The following CNTN4 variants were observed in gnomAD, a reference collection of about 807,000 sequenced individuals.
CNTN4 encodes contactin 4.
A neutral mutation model predicts 122.5 loss-of-function variants in CNTN4; 77 were observed. That is an observed-to-expected ratio of 0.63 (90% CI 0.52 to 0.76). The LOEUF is 0.76. CNTN4 is among the 30% of genes least tolerant of loss of function. The pLI is 0.00. For missense variants in CNTN4, 1,256 were observed against 1,259.1 expected, an observed-to-expected ratio of 1.00 and a Z score of 0.04; for synonymous variants, 512 against 447.0, an observed-to-expected ratio of 1.15 and a Z score of -1.83.
At chr3:2,334,298 C>T (rs1172427802) in intron 2 of CNTN4, among the ~76,000 whole-genome samples, 1 of 152,104 alleles carries the variant, frequency 6.6e-6, no homozygotes, top group East Asian at 1.9e-4. Flanking sequence ...GCTGGGATTG[C>T]AGGTGTGCGC....
At chr3:2,823,358 A>T (rs1041845275) in intron 7 of CNTN4, among the ~76,000 whole-genome samples, 12 of 152,186 alleles carry the variant, frequency 7.9e-5, no homozygotes, top group African/African-American at 2.9e-4. Flanking sequence ...GCGGTGTCAG[A>T]CCTTCTTAGG....
At chr3:2,215,609 G>A (rs2038801098) in intron 2 of CNTN4, among the ~76,000 whole-genome samples, 1 of 152,028 alleles carries the variant, frequency 6.6e-6, no homozygotes. Context: ...TAGGCTGGGC[G>A]CAGTGGTTCA....
chr3:2,132,141 A>G (rs2034480034), intron 2 of CNTN4, among the ~76,000 whole-genome samples: 1 of 152,190 alleles, frequency 6.6e-6, no homozygotes, highest in Admixed American at 6.5e-5. Context: ...TCTGATCATT[A>G]TGCTGTGAGG....
At chr3:2,470,353 G>A (rs768164874) in intron 3 of CNTN4, among the ~76,000 whole-genome samples, 7 of 152,156 alleles carry the variant, frequency 4.6e-5, no homozygotes, top group African/African-American at 1.4e-4. Context: ...GGGATTACGG[G>A]TGTGAGCCAC....
chr3:2,803,490 G>T (rs755693681), intron 6 of CNTN4, among the ~76,000 whole-genome samples: 1 of 151,824 alleles, frequency 6.6e-6, no homozygotes, highest in African/African-American at 2.4e-5. Flanking sequence ...ATAATAGCAA[G>T]TAAGTGGGAA....
At chr3:2,904,089 TATAAA>T (rs1460776007) in intron 12 of CNTN4, among the ~76,000 whole-genome samples, 4 of 152,136 alleles carry the variant, frequency 2.6e-5, no homozygotes, top group Non-Finnish European at 4.4e-5. Context: ...TGTCTATTAT[TATAAA>T]AGAAGAGATG....
intron 2 of CNTN4, among the ~76,000 whole-genome samples, chr3:2,184,914 A>G (rs1300962221): frequency 1.3e-5 from 2 of 152,194 alleles, no homozygotes; most frequent in African/African-American, 4.8e-5. Context: ...CCTTCTGCAA[A>G]AATTCAGGTC....
chr3:2,873,498 A>G (rs912272639), intron 8 of CNTN4, among the ~76,000 whole-genome samples: 4 of 152,218 alleles, frequency 2.6e-5, no homozygotes, highest in Non-Finnish European at 4.4e-5. Flanking sequence ...ATTCCCCACA[A>G]ACTTCTAAAT....
At chr3:2,627,392 G>A (rs1440669843) in intron 4 of CNTN4, among the ~76,000 whole-genome samples, 1 of 151,670 alleles carries the variant, frequency 6.6e-6, no homozygotes, top group Non-Finnish European at 1.5e-5. Flanking sequence ...TAGACAAGTT[G>A]ACTCTTTTTT....
At chr3:2,828,201 A>G (rs1342627646) in intron 7 of CNTN4, among the ~76,000 whole-genome samples, 1 of 152,264 alleles carries the variant, frequency 6.6e-6, no homozygotes, top group South Asian at 2.1e-4. Flanking sequence ...AAACACACAT[A>G]ACAAATGATA....
chr3:2,831,543 A>C (rs958866176), intron 7 of CNTN4, among the ~76,000 whole-genome samples: 1 of 152,248 alleles, frequency 6.6e-6, no homozygotes, highest in Non-Finnish European at 1.5e-5. Flanking sequence ...GCCACTTTGT[A>C]CCGAGCCAAG....
chr3:2,457,316 A>G (rs770138098), intron 3 of CNTN4, among the ~76,000 whole-genome samples: 4 of 152,162 alleles, frequency 2.6e-5, no homozygotes, highest in Non-Finnish European at 4.4e-5. Flanking sequence ...TTTGAAAGGC[A>G]CTTTGATGTT....
intron 13 of CNTN4, among the ~76,000 whole-genome samples, chr3:2,926,482 C>T (rs2094474629): frequency 2.0e-5 from 3 of 152,136 alleles, no homozygotes; most frequent in Non-Finnish European, 2.9e-5. Flanking sequence ...GGCTGTCACC[C>T]CTGTAAAATA....
intron 2 of CNTN4, among the ~76,000 whole-genome samples, chr3:2,210,476 C>A (rs1236407593): frequency 6.6e-6 from 1 of 152,008 alleles, no homozygotes; most frequent in African/African-American, 2.4e-5. Flanking sequence ...CAGTCTTGGC[C>A]CCCTCCAGTA....
chr3:2,346,668 C>G (rs760982439), intron 3 of CNTN4, among the ~76,000 whole-genome samples: 1 of 151,976 alleles, frequency 6.6e-6, no homozygotes, highest in Non-Finnish European at 1.5e-5. Context: ...GTTTTCTATC[C>G]TTTATTACTA....
At chr3:2,537,358 A>G (rs1225046298) in intron 3 of CNTN4, among the ~76,000 whole-genome samples, 2 of 151,840 alleles carry the variant, frequency 1.3e-5, no homozygotes, top group East Asian at 3.9e-4. Flanking sequence ...CTGAATATAG[A>G]CTCCAAAATT....
chr3:2,986,216 C>T (rs1209084968), intron 13 of CNTN4, among the ~76,000 whole-genome samples: 1 of 152,020 alleles, frequency 6.6e-6, no homozygotes, highest in Non-Finnish European at 1.5e-5. Flanking sequence ...CACCCAGCCT[C>T]GCAAACACAA....
chr3:2,640,739 C>A (rs189870813), intron 4 of CNTN4, among the ~76,000 whole-genome samples: 2 of 152,292 alleles, frequency 1.3e-5, no homozygotes, highest in East Asian at 3.9e-4. Flanking sequence ...ATACTAACAT[C>A]ACTATTCAAG....
intron 2 of CNTN4, among the ~76,000 whole-genome samples, chr3:2,256,557 A>C (rs1328143890): frequency 6.6e-6 from 1 of 152,196 alleles, no homozygotes; most frequent in South Asian, 2.1e-4. Flanking sequence ...ATACTGGCAA[A>C]CCGAATCCAG....
Sources: allele counts gnomAD v4.1 joint callset (sites outside exome capture counted in the v4.1 genomes callset), GRCh38; gene constraint gnomAD v4.1.1; transcripts MANE v1.5; gene names NCBI Gene and HGNC (gene_info 2026-07-23, HGNC 2026-07-21).